The following GPA33 variants were observed in gnomAD, a reference collection of about 807,000 sequenced individuals.
GPA33 encodes cell surface A33 antigen.
Under a neutral mutation model 35.6 loss-of-function variants are expected in GPA33, and 27 were observed. That is an observed-to-expected ratio of 0.76 (90% CI 0.56 to 1.04). GPA33 has a LOEUF of 1.04. Among genes scored for constraint, GPA33 ranks in the 50% least tolerant of loss-of-function variants. GPA33 has a pLI of 0.00. For missense variants in GPA33, 428 were observed against 411.9 expected, an observed-to-expected ratio of 1.04 and a Z score of -0.34; for synonymous variants, 176 against 164.0, an observed-to-expected ratio of 1.07 and a Z score of -0.56.
chr1:167,079,553 T>C (rs952317547), intron 1 of GPA33, among the ~76,000 whole-genome samples: 1 of 151,616 alleles, frequency 6.6e-6, no homozygotes, highest in Non-Finnish European at 1.5e-5. Flanking sequence ...ACTCTTTCAA[T>C]GTTCTTTGTA....
At chr1:167,066,127 T>C (rs1337958570) in intron 3 of GPA33, among the ~76,000 whole-genome samples, 2 of 152,140 alleles carry the variant, frequency 1.3e-5, no homozygotes, top group African/African-American at 2.4e-5. Flanking sequence ...TATTCCACAA[T>C]TGGAGAGCGG....
chr1:167,084,331 T>C (rs564067891), intron 1 of GPA33, among the ~76,000 whole-genome samples: 1 of 152,202 alleles, frequency 6.6e-6, no homozygotes, highest in Admixed American at 6.5e-5. Flanking sequence ...AACGGGCAGA[T>C]TGAAGAAATG....
At chr1:167,056,747 T>TGTGATGTGTGTGGTGTGTGTA (rs1558002015) in intron 4 of GPA33, among the ~76,000 whole-genome samples, 22 of 2,196 alleles carry the variant, frequency 0.01, no homozygotes, top group South Asian at 0.04. Flanking sequence ...GTGTGTGTGG[T>TGTGATGTGTGTGGTGTGTGTA]GTGTGTATGG....
Position 167,053,686 on chromosome 1 carries a change from T to A in GPA33, c.*648A>T, listed in dbSNP as rs1189856671. The A allele has an allele frequency of 6.5e-6, 1 of 152,792 alleles. No homozygotes were observed. The highest frequency in any genetic ancestry group is 1.9e-4 in the East Asian group (1 of 5,162). The allele number at this position is 152,792 out of a possible 1,614,324, so 9.5% of individuals were successfully genotyped here. On this transcript the variant is annotated 3_prime_UTR_variant, in exon 7 of 7. Coordinates refer to ENST00000367868, the MANE Select transcript of GPA33 (RefSeq NM_005814.3). The stretch of plus-strand genomic sequence containing the variant: ...GATGGGCCTGGAGGGACAGGTACGA[T>A]ATTGACAGGCAGAGATGGAAAGTGT...
In GPA33 at chr1:167,057,107, ACT is replaced by A. The variant is rs1169689805; in HGVS notation, c.572-1260_572-1259del. Among the ~76,000 whole-genome samples the A allele has an allele frequency of 2.0e-5, 3 of 151,260 alleles. No homozygotes were observed. The South Asian group carries it at 6.3e-4, about 32-fold the overall frequency. On this transcript the variant is annotated intron_variant, in intron 4 of 6. Transcript: ENST00000367868. ...GGTGGGACGGAGGCAGACTGTCTAG[ACT>A]CTTCCTCTACATCTGCCGCCACTTG...
intron 4 of GPA33, among the ~76,000 whole-genome samples, chr1:167,062,325 C>T (rs1205261018): frequency 6.6e-6 from 1 of 152,028 alleles, no homozygotes; most frequent in Non-Finnish European, 1.5e-5. Flanking sequence ...AAGCAATCCT[C>T]CCACCTCAGC....
At chr1:167,067,619 G>A (rs1414716527) in intron 3 of GPA33, among the ~76,000 whole-genome samples, 2 of 152,146 alleles carry the variant, frequency 1.3e-5, no homozygotes, top group African/African-American at 4.8e-5. Context: ...ATGTACGTGT[G>A]TGTATGGGAT....
chr1:167,070,808 A>G (rs1360314107), intron 2 of GPA33, among the ~76,000 whole-genome samples: 1 of 152,234 alleles, frequency 6.6e-6, no homozygotes, highest in Non-Finnish European at 1.5e-5. Flanking sequence ...GGGGGCACCA[A>G]TGAGACCATG....
At chr1:167,084,375 T>A (rs934630876) in intron 1 of GPA33, among the ~76,000 whole-genome samples, 1 of 152,134 alleles carries the variant, frequency 6.6e-6, no homozygotes, top group African/African-American at 2.4e-5. Context: ...AAAGTGATGA[T>A]CTGAATTTGT....
At chr1:167,059,117 G>A (rs977606657) in intron 4 of GPA33, among the ~76,000 whole-genome samples, 5 of 152,100 alleles carry the variant, frequency 3.3e-5, no homozygotes, top group African/African-American at 9.7e-5. Flanking sequence ...GGGGAACATG[G>A]GGTTTCCTAG....
intron 1 of GPA33, among the ~76,000 whole-genome samples, chr1:167,082,771 C>A (rs1449749332): frequency 6.6e-6 from 1 of 152,230 alleles, no homozygotes; most frequent in African/African-American, 2.4e-5. Context: ...TTTGTGACGG[C>A]CCTAATGGGA....
chr1:167,063,767 A>G lies in GPA33; in HGVS notation c.416-30T>C, dbSNP rs372020315. The stretch of plus-strand genomic sequence containing the variant: ...ATAGAGGAGAGACCAAAGAGAAGGC[A>G]TGAGGCAGGTGGGGCTTGGTGACAG... On this transcript the variant is annotated intron_variant, in intron 3 of 6. Transcript: ENST00000367868. The G allele has an allele frequency of 2.1e-5, 33 of 1,600,856 alleles. No homozygotes were observed. In the African/African-American group the frequency reaches 3.8e-4, roughly 18 times the overall value.
At chr1:167,081,614 C>A (rs1047030062) in intron 1 of GPA33, among the ~76,000 whole-genome samples, 1 of 152,210 alleles carries the variant, frequency 6.6e-6, no homozygotes, top group African/African-American at 2.4e-5. Flanking sequence ...TGCAAGGCAC[C>A]AGAAAAATGA....
At chr1:167,084,008 C>A (rs539706826) in intron 1 of GPA33, among the ~76,000 whole-genome samples, 1 of 152,290 alleles carries the variant, frequency 6.6e-6, no homozygotes, top group Admixed American at 6.5e-5. Flanking sequence ...TGCCTGCCCC[C>A]ACCAAGATCC....
chr1:167,077,790 T>C (rs1010856036), intron 1 of GPA33, among the ~76,000 whole-genome samples: 1 of 152,236 alleles, frequency 6.6e-6, no homozygotes, highest in Non-Finnish European at 1.5e-5. Flanking sequence ...TCTCATGTTA[T>C]TTTAATTACA....
chr1:167,062,646 CTTT>C (rs768326263), intron 4 of GPA33, among the ~76,000 whole-genome samples: 17 of 79,982 alleles, frequency 2.1e-4, no homozygotes, highest in Middle Eastern at 0.01. Context: ...ATAGCTCTTT[CTTT>C]TTTTTTTTTT....
chr1:167,069,765 A>C (rs150200293), intron 2 of GPA33, among the ~76,000 whole-genome samples: 56 of 152,348 alleles, frequency 3.7e-4, no homozygotes, highest in African/African-American at 1.3e-3. Context: ...TATTCTGCAA[A>C]ATGGAGATGA....
At chr1:167,057,565 G>A (rs1020292676) in intron 4 of GPA33, among the ~76,000 whole-genome samples, 1 of 152,206 alleles carries the variant, frequency 6.6e-6, no homozygotes, top group African/African-American at 2.4e-5. Flanking sequence ...TCAGGTCACA[G>A]ATCTGGCCCT....
At chr1:167,059,530 C>G (rs1211924324) in intron 4 of GPA33, among the ~76,000 whole-genome samples, 1 of 151,966 alleles carries the variant, frequency 6.6e-6, no homozygotes, top group Non-Finnish European at 1.5e-5. Flanking sequence ...GCTGCCACCT[C>G]TCTCTCACAA....
Sources: allele counts gnomAD v4.1 joint callset (sites outside exome capture counted in the v4.1 genomes callset), GRCh38; gene constraint gnomAD v4.1.1; transcripts MANE v1.5; gene names NCBI Gene and HGNC (gene_info 2026-07-23, HGNC 2026-07-21).